Variants in AGTPBP1 observed in about 807,000 individuals in gnomAD.
AGTPBP1 encodes ATP/GTP binding carboxypeptidase 1.
In AGTPBP1, 70 loss-of-function variants were observed where a neutral mutation model predicts 143.9. The ratio of observed to expected loss-of-function variants is 0.49; its 90% CI spans 0.40 to 0.59. The LOEUF (loss-of-function observed/expected upper bound fraction) is 0.59. Among genes scored for constraint, AGTPBP1 ranks in the 20% least tolerant of loss-of-function variants. The pLI is 0.00. For missense variants in AGTPBP1, 1,229 were observed against 1,464.5 expected (o/e 0.84, Z 2.62); for synonymous variants, 463 against 500.2 (o/e 0.93, Z 0.99).
intron 15 of AGTPBP1, among the ~76,000 whole-genome samples, chr9:85,620,115 A>C (rs188301063): frequency 3.2e-4 from 48 of 152,320 alleles, no homozygotes; most frequent in African/African-American, 1.1e-3. Flanking sequence ...TTAAAAGAAA[A>C]AAAAAAGTGT....
intron 17 of AGTPBP1, among the ~76,000 whole-genome samples, chr9:85,615,032 G>A (rs1830527765): frequency 6.6e-6 from 1 of 152,074 alleles, no homozygotes; most frequent in African/African-American, 2.4e-5. Flanking sequence ...AATGTGAAAT[G>A]TCTAACAATT....
the AGTPBP1 span, among the ~76,000 whole-genome samples, chr9:85,783,355 TGAA>T: frequency 1.3e-5 from 2 of 152,152 alleles, no homozygotes; most frequent in Non-Finnish European, 2.9e-5. Flanking sequence ...AATCTGAAAA[TGAA>T]GAAAACAAAT....
the AGTPBP1 span, among the ~76,000 whole-genome samples, chr9:85,750,331 A>G: frequency 2.6e-5 from 4 of 152,212 alleles, no homozygotes; most frequent in Admixed American, 6.5e-5. Flanking sequence ...ATCAAGAACT[A>G]TGGATGGTAA....
chr9:85,631,148 T>C (rs1815718410), intron 14 of AGTPBP1, among the ~76,000 whole-genome samples: 1 of 152,172 alleles, frequency 6.6e-6, no homozygotes, highest in South Asian at 2.1e-4. Flanking sequence ...CATCTTGTTG[T>C]TACATTGTAC....
the AGTPBP1 span, among the ~76,000 whole-genome samples, chr9:85,756,554 T>C: frequency 6.6e-6 from 1 of 151,736 alleles, no homozygotes; most frequent in African/African-American, 2.4e-5. Flanking sequence ...GATAGATAGA[T>C]AGATAGACAG....
At chr9:85,582,778 A>G (rs1256787043) in intron 23 of AGTPBP1, among the ~76,000 whole-genome samples, 1 of 152,190 alleles carries the variant, frequency 6.6e-6, no homozygotes. Context: ...ACTATGATTT[A>G]TCATCAGAAA....
In AGTPBP1 at chr9:85,599,054, T is replaced by C. The variant is rs376531673; in HGVS notation, c.2336-2605A>G. ...ACTAATATTAACCACTTTTGCTTTA[T>C]TTTAATTTCATTTGCCTAGTTCATC... On this transcript the variant is annotated intron_variant, in intron 17 of 25. Coordinates refer to ENST00000357081, the MANE Select transcript of AGTPBP1 (RefSeq NM_001330701.2). Among the ~76,000 whole-genome samples, 6 of 151,974 alleles carry C rather than the reference T, an allele frequency of 3.9e-5. No homozygotes were observed. The East Asian group carries it at 1.2e-3, about 29-fold the overall frequency.
At chr9:85,552,905 T>C (rs1362983821) in intron 25 of AGTPBP1, among the ~76,000 whole-genome samples, 1 of 152,238 alleles carries the variant, frequency 6.6e-6, no homozygotes, top group South Asian at 2.1e-4. Context: ...AAATATGCCA[T>C]TGCCTAAATT....
rs142841902 is a variant in AGTPBP1 at position 85,664,815 on chromosome 9, T to C, written c.663-3842A>G. ...TCAAGACTCACTGCATTACATGTAT[T>C]ATCTAAAGTACCAGACTCCACTTAC... On this transcript the variant is annotated intron_variant, in intron 8 of 25. Transcript: ENST00000357081. Among the ~76,000 whole-genome samples, 609 of 152,308 alleles carry C rather than the reference T, an allele frequency of 4.0e-3. 2 individuals carry two copies. Among genetic ancestry groups the C allele is most frequent in the African/African-American group, 0.014 (588 of 41,566 alleles).
intron 14 of AGTPBP1, among the ~76,000 whole-genome samples, chr9:85,631,377 T>C (rs1284475861): frequency 6.6e-6 from 1 of 152,272 alleles, no homozygotes; most frequent in South Asian, 2.1e-4. Context: ...TGCTGCAAGA[T>C]GGCAACCCAA....
chr9:85,705,717 G>A (rs1020896342), intron 2 of AGTPBP1, among the ~76,000 whole-genome samples: 2 of 152,068 alleles, frequency 1.3e-5, no homozygotes, highest in Non-Finnish European at 2.9e-5. Flanking sequence ...TTGAGACGGA[G>A]TCTCGCTCTG....
chr9:85,618,995 G>T lies in AGTPBP1; in HGVS notation c.2323C>A (p.Gln775Lys). The change falls in exon 17 of 26, where the codon CAG becomes AAG. Residue 775 changes from glutamine to lysine, a missense_variant. Physicochemically the swap from Gln to Lys is moderately conservative, Grantham distance 53. Coordinates refer to ENST00000357081, the MANE Select transcript of AGTPBP1 (RefSeq NM_001330701.2). ...NIINCEKSNSQFNYGMQPLMY... is the reference protein window; with the variant it reads ...NIINCEKSNSKFNYGMQPLMY... The stretch of plus-strand genomic sequence containing the variant: ...AAAACTGTCTTACCATAATTAAACT[G>T]ACTGTTGGACTTTTCACAGTTAATG... 1 of 1,612,174 alleles carries T rather than the reference G, an allele frequency of 6.2e-7. No individual in the cohort carries two copies. The highest frequency in any genetic ancestry group is 1.1e-5 in the South Asian group (1 of 90,538).
intron 25 of AGTPBP1, among the ~76,000 whole-genome samples, chr9:85,559,049 C>G (rs1826528675): frequency 6.6e-6 from 1 of 152,196 alleles, no homozygotes. Context: ...ATTCTCAAAT[C>G]ATTTAAATGA....
At chr9:85,608,397 T>C (rs201687323) in intron 17 of AGTPBP1, among the ~76,000 whole-genome samples, 6 of 151,998 alleles carry the variant, frequency 3.9e-5, no homozygotes, top group East Asian at 3.9e-4. Context: ...CAGAATAAGA[T>C]AGAACAATTG....
intron 12 of AGTPBP1, among the ~76,000 whole-genome samples, chr9:85,643,397 C>T (rs979100058): frequency 3.3e-5 from 5 of 152,064 alleles, no homozygotes; most frequent in African/African-American, 7.2e-5. Flanking sequence ...AAATGAGGTA[C>T]GGAGAAGTTA....
intron 3 of AGTPBP1, among the ~76,000 whole-genome samples, chr9:85,687,637 A>G (rs1835563439): frequency 6.6e-6 from 1 of 152,228 alleles, no homozygotes; most frequent in Non-Finnish European, 1.5e-5. Flanking sequence ...AAAAAACCAC[A>G]AAGAAAATTA....
At position 85,565,337 on chromosome 9, in the gene AGTPBP1, A is replaced by C. The variant is rs767437174; in HGVS notation, c.3503+9978T>G. The stretch of plus-strand genomic sequence containing the variant: ...GAAGGATAAAACTGAATTGAGGGCT[A>C]AGTTGTGGAATAACACGATCCACAC... On this transcript the variant is annotated intron_variant, in intron 25 of 25. Transcript: ENST00000357081. 4.8e-4 allele frequency among the ~76,000 whole-genome samples: 73 copies of C among 151,728 alleles called. 1 individual carries two copies.
chr9:85,746,490 G>A (rs558694646), upstream of AGTPBP1, among the ~76,000 whole-genome samples: 3 of 152,056 alleles, frequency 2.0e-5, no homozygotes, highest in Admixed American at 6.5e-5. Flanking sequence ...TTACCTGAGC[G>A]TGGTGGTGCA....
chr9:85,709,213 AAG>A (rs1486042124), intron 2 of AGTPBP1, among the ~76,000 whole-genome samples: 4 of 152,324 alleles, frequency 2.6e-5, no homozygotes, highest in African/African-American at 9.6e-5. Context: ...AATAAACTAA[AAG>A]AGAAAAACTT....
Sources: allele counts gnomAD v4.1 joint callset (sites outside exome capture counted in the v4.1 genomes callset), GRCh38; gene constraint gnomAD v4.1.1; transcripts MANE v1.5; gene names NCBI Gene and HGNC (gene_info 2026-07-23, HGNC 2026-07-21).